Variants in MAG observed in about 807,000 individuals in gnomAD.
The protein encoded by MAG is myelin-associated glycoprotein.
In MAG, 30 loss-of-function variants were observed where a neutral mutation model predicts 60.7. The ratio of observed to expected loss-of-function variants is 0.49; its 90% CI spans 0.37 to 0.67. The LOEUF is 0.67. Among genes scored for constraint, MAG ranks in the 30% least tolerant of loss-of-function variants. The probability of loss-of-function intolerance (pLI) is 0.00; values close to 1 mark genes in which losing one functional copy is unlikely to be tolerated. For missense variants in MAG, 795 were observed against 851.7 expected (o/e 0.93, Z 0.83); for synonymous variants, 384 against 376.8 (o/e 1.02, Z -0.22).
At position 35,309,998 on chromosome 19, in the gene MAG, C is replaced by G. The variant is rs145836924; in HGVS notation, c.1356C>G (p.Thr452=). ...TTGAGCTGCCATCGCGCAATGTGAC[C>G]GTGAACGAGAGCGAGCGGGAGTTCG... ...VAFELPSRNV[T]VNESEREFVY... Residue 452 remains threonine, a synonymous_variant, in exon 8 of 11, where the codon ACC becomes ACG. Transcript: ENST00000392213. 1 of 1,614,014 alleles carries G rather than the reference C, an allele frequency of 6.2e-7. No individual in the cohort carries two copies.
chr19:35,303,641 G>A (rs1019783925), intron 7 of MAG, among the ~76,000 whole-genome samples: 1 of 152,132 alleles, frequency 6.6e-6, no homozygotes, highest in African/African-American at 2.4e-5. Flanking sequence ...TGGAGGATAG[G>A]GCTGAGAAGA....
At chr19:35,302,236 G>A (rs559065318) in intron 6 of MAG, among the ~76,000 whole-genome samples, 1 of 152,268 alleles carries the variant, frequency 6.6e-6, no homozygotes, top group African/African-American at 2.4e-5. Flanking sequence ...CACACAACTG[G>A]ACAGGGGTAG....
At position 35,294,219 on chromosome 19, in the gene MAG, C is replaced by A. The variant is rs1287346042; in HGVS notation, c.-79-16C>A. ...ATCCCGCCCCCTTGCACCTGAGTGACTCTTGTTGCATGCAGGTTGTCTGGC... is the reference window on the plus strand; with the variant it reads ...ATCCCGCCCCCTTGCACCTGAGTGAATCTTGTTGCATGCAGGTTGTCTGGC... On this transcript the variant is annotated splice_polypyrimidine_tract_variant and intron_variant, in intron 1 of 10. Coordinates refer to ENST00000392213, the MANE Select transcript of MAG (RefSeq NM_002361.4). The A allele has an allele frequency of 2.3e-6, 1 of 433,654 alleles. No homozygotes were observed. The highest frequency in any genetic ancestry group is 2.6e-5 in the Admixed American group (1 of 38,104). 26.9% of individuals were successfully genotyped at this position (433,654 alleles called of 1,614,324 possible).
intron 7 of MAG, among the ~76,000 whole-genome samples, chr19:35,307,966 C>T (rs1215452707): frequency 6.6e-6 from 1 of 152,132 alleles, no homozygotes; most frequent in Non-Finnish European, 1.5e-5. Flanking sequence ...AGGGGATAGT[C>T]TAAGCCTGTG....
At position 35,299,585 on chromosome 19, in the gene MAG, G is replaced by A. The variant is rs2066430434; in HGVS notation, c.447G>A (p.Val149=). ...NTPNIVVPPE[V]VAGTEVEVSC... is the part of the protein sequence containing the mutation. ...CCAACATCGTGGTGCCCCCAGAGGT[G>A]GTGGCAGGCACGGAGGTGGAGGTCA... The change falls in exon 5 of 11, where the codon GTG becomes GTA. Residue 149 remains valine, a synonymous_variant. Transcript: ENST00000392213. The A allele has an allele frequency of 6.2e-7, 1 of 1,602,978 alleles. No individual in the cohort carries two copies. Among genetic ancestry groups the A allele is most frequent in the Non-Finnish European group, 8.5e-7 (1 of 1,172,324 alleles).
At position 35,302,517 on chromosome 19, in the gene MAG, G is replaced by A; in HGVS notation, c.1040G>A (p.Cys347Tyr). 6.2e-7 allele frequency: 1 copy of A among 1,614,204 alleles called. No homozygotes were observed. The highest frequency in any genetic ancestry group is 8.5e-7 in the Non-Finnish European group (1 of 1,180,048). The change falls in exon 7 of 11, where the codon TGC becomes TAC. Residue 347 changes from cysteine to tyrosine, a missense_variant. Physicochemically the swap from Cys to Tyr is radical, Grantham distance 194. Transcript: ENST00000392213. ...AVEGETVSIL[C>Y]STQSNPDPIL... is the part of the protein sequence containing the mutation. ...GAGGGGGAGACGGTCTCTATCTTGTGCTCCACACAGAGCAACCCGGACCCT... is the reference window on the plus strand; with the variant it reads ...GAGGGGGAGACGGTCTCTATCTTGTACTCCACACAGAGCAACCCGGACCCT...
chr19:35,295,671 C>G lies in MAG; in HGVS notation c.105C>G (p.Gly35=), dbSNP rs143777259. The change falls in exon 4 of 11, where the codon GGC becomes GGG. Residue 35 remains glycine, a synonymous_variant. Transcript: ENST00000392213. The surrounding 1 kb of genome is among the most constrained non-coding windows in gnomAD (Gnocchi z 5.8). ...CCTCGTCCATCTCGGCCTTCGAAGGCACGTGCGTCTCCATCCCCTGCCGCT... is the reference window on the plus strand; with the variant it reads ...CCTCGTCCATCTCGGCCTTCGAAGGGACGTGCGTCTCCATCCCCTGCCGCT... ...WMPSSISAFE[G]TCVSIPCRFD... is the part of the protein sequence containing the mutation. 1.2e-6 allele frequency: 2 copies of G among 1,612,268 alleles called. No individual in the cohort carries two copies. The highest frequency in any genetic ancestry group is 2.7e-5 in the African/African-American group (2 of 74,922).
At position 35,313,414 on chromosome 19, in the gene MAG, C is replaced by T. The variant is rs757304009; in HGVS notation, c.1841C>T (p.Thr614Met). The change falls in exon 11 of 11, where the codon ACG becomes ATG. Residue 614 changes from threonine to methionine, a missense_variant. Coordinates refer to ENST00000392213, the MANE Select transcript of MAG (RefSeq NM_002361.4). ...KRPTKDSYTL[T>M]EELAEYAEIR... Reference sequence around the variant, plus strand: ...CCCACCAAGGACAGCTACACGCTGACGGAGGAGCTAGCTGAGTATGCTGAA... The same window carrying T: ...CCCACCAAGGACAGCTACACGCTGATGGAGGAGCTAGCTGAGTATGCTGAA... 1.4e-5 allele frequency: 22 copies of T among 1,613,638 alleles called. No individual in the cohort carries two copies. Among genetic ancestry groups the T allele is most frequent in the South Asian group, 6.6e-5 (6 of 91,068 alleles).
In MAG at chr19:35,299,663, G is replaced by T; in HGVS notation, c.525G>T (p.Leu175=). Reference sequence around the variant, plus strand: ...AGCTGCGCCCTGAGCTGAGCTGGCTGGGCCACGAGGGGCTGGGGGAGCCCG... The same window carrying T: ...AGCTGCGCCCTGAGCTGAGCTGGCTTGGCCACGAGGGGCTGGGGGAGCCCG... ...CPELRPELSW[L]GHEGLGEPAV... The change falls in exon 5 of 11, where the codon CTG becomes CTT. Residue 175 remains leucine, a synonymous_variant. Transcript: ENST00000392213. The T allele has an allele frequency of 6.2e-7, 1 of 1,604,268 alleles. No individual in the cohort carries two copies.
intron 4 of MAG, among the ~76,000 whole-genome samples, chr19:35,297,112 G>T (rs1227079633): frequency 7.0e-6 from 1 of 142,954 alleles, no homozygotes; most frequent in Non-Finnish European, 1.5e-5. Flanking sequence ...TGGCTTAAAG[G>T]ATTTTAAAAC....
chr19:35,303,692 ACACAGATG>A (rs1436413134), intron 7 of MAG, among the ~76,000 whole-genome samples: 11 of 152,184 alleles, frequency 7.2e-5, no homozygotes, highest in Admixed American at 7.2e-4. Context: ...TGGAGAGATG[ACACAGATG>A]CACATAAAAA....
intron 6 of MAG, among the ~76,000 whole-genome samples, chr19:35,301,291 G>A (rs2066446532): frequency 6.6e-6 from 1 of 152,176 alleles, no homozygotes; most frequent in African/African-American, 2.4e-5. Context: ...AAGGGAGCTG[G>A]TCAGAAGAGG....
chr19:35,299,466 G>A (rs549980682), intron 4 of MAG, 88 bp from the exon 5 acceptor site: 6 of 898,928 alleles, frequency 6.7e-6, no homozygotes, highest in Non-Finnish European at 1.0e-5. Context: ...CAGCAATGGA[G>A]GTGGACAAGG....
In MAG at chr19:35,310,113, A is replaced by G. The variant is rs2066516118; in HGVS notation, c.1471A>G (p.Arg491Gly). ...QAPPRVICTA[R>G]NLYGAKSLEL... ...CCCGCCCCGCGTCATCTGCACCGCG[A>G]GGAACCTCTATGGCGCCAAGAGCCT... Residue 491 changes from arginine to glycine, a missense_variant, in exon 8 of 11, where the codon AGG (arginine) becomes GGG (glycine). Physicochemically the swap from Arg to Gly is moderately radical, Grantham distance 125. Transcript: ENST00000392213. The G allele has an allele frequency of 6.2e-7, 1 of 1,612,118 alleles. No individual in the cohort carries two copies. Among genetic ancestry groups the G allele is most frequent in the Non-Finnish European group, 8.5e-7 (1 of 1,179,010 alleles).
rs532103671 is a variant in MAG at position 35,307,914 on chromosome 19, C to T, written c.1232-1960C>T. On this transcript the variant is annotated intron_variant, in intron 7 of 10. Coordinates refer to ENST00000392213, the MANE Select transcript of MAG (RefSeq NM_002361.4). ...GGGAGGAAGTGGGGGGCATCTGCAG[C>T]GCAGACTGAAAGGAAGGAGCACAGC... Among the ~76,000 whole-genome samples the T allele has an allele frequency of 2.6e-4, 39 of 152,010 alleles. 1 individual carries two copies. Among genetic ancestry groups the T allele is most frequent in the African/African-American group, 8.0e-4 (33 of 41,460 alleles).
intron 10 of MAG, chr19:35,312,525 C>CG: frequency 2.8e-6 from 1 of 359,688 alleles, no homozygotes; most frequent in African/African-American, 2.2e-5. Flanking sequence ...GTCCAAATTC[C>CG]TGTGGCTAGG....
intron 5 of MAG, 133 bp from the exon 6 acceptor site, chr19:35,300,014 C>T: frequency 7.7e-7 from 1 of 1,301,482 alleles, no homozygotes; most frequent in South Asian, 1.8e-5. Flanking sequence ...GGGGGCGGAA[C>T]CAGGCAGTCC....
rs146550254 is a variant in MAG, at chr19:35,310,046, C to G, written c.1404C>G (p.Leu468=). ...REFVYSERSG[L]VLTSILTLRG... is the part of the protein sequence containing the mutation. ...TCGTGTACTCGGAGCGCAGCGGCCT[C>G]GTGCTCACCAGCATCCTCACGCTGC... is the stretch of plus-strand genomic sequence containing the variant. Residue 468 remains leucine, a synonymous_variant, in exon 8 of 11, where the codon CTC becomes CTG. Transcript: ENST00000392213. 4.3e-5 allele frequency: 70 copies of G among 1,613,808 alleles called. No homozygotes were observed. The African/African-American group carries it at 6.1e-4, about 14-fold the overall frequency.
At chr19:35,309,469 T>A (rs541517767) in intron 7 of MAG, among the ~76,000 whole-genome samples, 1 of 152,022 alleles carries the variant, frequency 6.6e-6, no homozygotes, top group Admixed American at 6.6e-5. Flanking sequence ...GGGGTTTTTT[T>A]GAGACAGCGT....
Sources: allele counts gnomAD v4.1 joint callset (sites outside exome capture counted in the v4.1 genomes callset), GRCh38; gene constraint gnomAD v4.1.1; non-coding constraint Gnocchi (gnomAD v3.1); transcripts MANE v1.5; gene names NCBI Gene and HGNC (gene_info 2026-07-23, HGNC 2026-07-21).